Variants in DGKI observed in about 807,000 individuals in gnomAD.
DGKI encodes the protein DAG kinase iota.
Under a neutral mutation model 147.5 loss-of-function variants are expected in DGKI, and 55 were observed. That is an observed-to-expected ratio of 0.37 (90% confidence interval 0.30 to 0.47). The LOEUF is 0.47. Ranked by LOEUF, DGKI falls within the 20% of genes least tolerant of loss-of-function variation. The pLI, the probability that DGKI is intolerant of heterozygous loss-of-function variation, is 1.00. For missense variants in DGKI, 1,007 were observed against 1,323.8 expected (o/e 0.76, Z 3.71); for synonymous variants, 469 against 477.1 (o/e 0.98, Z 0.22).
intron 1 of DGKI, among the ~76,000 whole-genome samples, chr7:137,755,097 G>A (rs190851813): frequency 9.3e-4 from 142 of 152,042 alleles, no homozygotes; most frequent in Non-Finnish European, 1.7e-3. Flanking sequence ...ATATGTAATT[G>A]GCACCTACAC....
At chr7:137,646,618 A>G (rs949598574) in intron 5 of DGKI, among the ~76,000 whole-genome samples, 1 of 152,198 alleles carries the variant, frequency 6.6e-6, no homozygotes, top group Admixed American at 6.5e-5. Context: ...CAATACCCCT[A>G]AAGTACTCAT....
chr7:137,574,539 T>C (rs536400283), intron 17 of DGKI, among the ~76,000 whole-genome samples: 1 of 152,346 alleles, frequency 6.6e-6, no homozygotes, highest in South Asian at 2.1e-4. Context: ...AACTTTCTAC[T>C]TTTTCCTTCT....
At chr7:137,648,285 G>C (rs1260524212) in intron 5 of DGKI, among the ~76,000 whole-genome samples, 2 of 152,152 alleles carry the variant, frequency 1.3e-5, no homozygotes, top group African/African-American at 4.8e-5. Flanking sequence ...AAACATGTTG[G>C]AAACATTTGA....
At chr7:137,507,934 T>C (rs1367805992) in intron 21 of DGKI, among the ~76,000 whole-genome samples, 1 of 152,158 alleles carries the variant, frequency 6.6e-6, no homozygotes, top group East Asian at 1.9e-4. Flanking sequence ...CAAGAGTTTT[T>C]GAGACAAAAG....
chr7:137,751,512 A>T (rs563691831), intron 1 of DGKI, among the ~76,000 whole-genome samples: 2 of 152,206 alleles, frequency 1.3e-5, no homozygotes, highest in Non-Finnish European at 2.9e-5. Flanking sequence ...CACGTTTCAG[A>T]CGTGTCTCTC....
Position 137,455,026 on chromosome 7 carries a change from T to A in DGKI, c.2735+8463A>T, listed in dbSNP as rs1167886030. 5.9e-5 allele frequency among the ~76,000 whole-genome samples: 9 copies of A among 152,146 alleles called. 1 individual carries two copies. On this transcript the variant is annotated intron_variant, in intron 27 of 32. Transcript: ENST00000614521. ...ATCTCGTGATCCCGGATATGCAATA[T>A]CTCCCTGTGGTAATTGAGTAAGGGC...
At chr7:137,734,417 G>A (rs1461544091) in intron 1 of DGKI, among the ~76,000 whole-genome samples, 1 of 151,944 alleles carries the variant, frequency 6.6e-6, no homozygotes, top group African/African-American at 2.4e-5. Context: ...AGGAATCTAG[G>A]AGTGGCTGGT....
intron 17 of DGKI, among the ~76,000 whole-genome samples, chr7:137,573,854 T>C (rs1818876848): frequency 6.6e-6 from 1 of 152,228 alleles, no homozygotes; most frequent in South Asian, 2.1e-4. Flanking sequence ...CATCCTTTGA[T>C]AAATCAAGGA....
At chr7:137,669,960 A>C (rs1402451199) in intron 3 of DGKI, among the ~76,000 whole-genome samples, 1 of 152,138 alleles carries the variant, frequency 6.6e-6, no homozygotes, top group Admixed American at 6.5e-5. Context: ...ACAAAATGGC[A>C]ATGGGTGTTC....
intron 30 of DGKI, among the ~76,000 whole-genome samples, chr7:137,401,318 G>T (rs961450461): frequency 1.3e-5 from 2 of 151,720 alleles, no homozygotes; most frequent in African/African-American, 4.8e-5. Context: ...GACTGTTTGA[G>T]CCCAGGAATT....
At chr7:137,613,824 T>A (rs1478057229) in intron 8 of DGKI, among the ~76,000 whole-genome samples, 1 of 152,166 alleles carries the variant, frequency 6.6e-6, no homozygotes, top group African/African-American at 2.4e-5. Context: ...CTTTTTTTAC[T>A]AAGAAAGGCA....
intron 12 of DGKI, among the ~76,000 whole-genome samples, chr7:137,596,001 C>CAA (rs71177914): frequency 0.023 from 1,028 of 44,458 alleles, 79 homozygotes; most frequent in Non-Finnish European, 0.027. Flanking sequence ...GACTCCGTCT[C>CAA]AAAAAAAAAA....
chr7:137,416,419 C>T (rs951516285), intron 28 of DGKI, among the ~76,000 whole-genome samples: 2 of 152,024 alleles, frequency 1.3e-5, no homozygotes, highest in African/African-American at 2.4e-5. Flanking sequence ...AGGATGTGAA[C>T]AAAGAGATAA....
At chr7:137,616,937 G>A (rs1342149414) in intron 8 of DGKI, among the ~76,000 whole-genome samples, 2 of 151,706 alleles carry the variant, frequency 1.3e-5, no homozygotes, top group African/African-American at 4.8e-5. Context: ...AACCCCTAAT[G>A]CAATAATAGA....
At chr7:137,636,600 C>A (rs1821320557) in intron 6 of DGKI, among the ~76,000 whole-genome samples, 1 of 152,100 alleles carries the variant, frequency 6.6e-6, no homozygotes, top group Admixed American at 6.5e-5. Context: ...AATGAGTCAC[C>A]CTCCCATCTT....
chr7:137,555,766 C>T lies in DGKI; in HGVS notation c.1948-3198G>A, dbSNP rs375151216. ...GTTCCTCATTTTACCTGCCCCACTA[C>T]CCCCTCCCCAAAAATGTCAAAGAGG... On this transcript the variant is annotated intron_variant, in intron 19 of 32. Transcript: ENST00000614521. Among the ~76,000 whole-genome samples the T allele has an allele frequency of 1.6e-4, 24 of 152,176 alleles. No individual in the cohort carries two copies. In the South Asian group the frequency reaches 3.7e-3, roughly 24 times the overall value.
intron 20 of DGKI, among the ~76,000 whole-genome samples, chr7:137,534,134 C>A (rs548401207): frequency 6.6e-6 from 1 of 152,168 alleles, no homozygotes; most frequent in South Asian, 2.1e-4. Flanking sequence ...GCAAAGTAAT[C>A]CAAAATAATT....
chr7:137,530,132 TC>T (rs1163994083), intron 20 of DGKI, among the ~76,000 whole-genome samples: 1 of 152,124 alleles, frequency 6.6e-6, no homozygotes, highest in Non-Finnish European at 1.5e-5. Flanking sequence ...AACTCAAAGT[TC>T]CCTCTCCATA....
intron 1 of DGKI, among the ~76,000 whole-genome samples, chr7:137,820,436 A>T (rs1797863675): frequency 1.3e-5 from 2 of 152,200 alleles, no homozygotes; most frequent in South Asian, 4.1e-4. Flanking sequence ...TGCAGATGAA[A>T]ATGGCTGTGA....
Sources: gnomAD v4.1 joint callset for allele counts (sites outside exome capture counted in the v4.1 genomes callset) on GRCh38, gnomAD v4.1.1 for gene constraint, MANE v1.5 for transcripts, NCBI Gene and HGNC (gene_info 2026-07-23, HGNC 2026-07-21) for gene names.